Variants in RHOBTB1 observed in about 807,000 individuals in gnomAD.
RHOBTB1 encodes rho-related BTB domain-containing protein 1.
A neutral mutation model predicts 71.6 loss-of-function variants in RHOBTB1; 40 were observed. The ratio of observed to expected loss-of-function variants is 0.56; its 90% CI spans 0.43 to 0.73. The LOEUF is 0.73. Among genes scored for constraint, RHOBTB1 ranks in the 30% least tolerant of loss-of-function variants. RHOBTB1 has a pLI of 0.00. For synonymous variants in RHOBTB1, 319 were observed against 334.9 expected (o/e 0.95, Z 0.52); for missense variants, 797 against 894.0 (o/e 0.89, Z 1.38).
At chr10:60,895,627 C>T (rs1466059220) in intron 4 of RHOBTB1, among the ~76,000 whole-genome samples, 6 of 152,244 alleles carry the variant, frequency 3.9e-5, no homozygotes, top group African/African-American at 1.4e-4. Flanking sequence ...TGGTCTCAAA[C>T]TCCCCACCTC....
In RHOBTB1 at chr10:60,992,062, CAT is replaced by C. The variant is rs540664237; in HGVS notation, c.-162-6119_-162-6118del. ...AGTGTGTGAAATCAGTATGAAAAGA[CAT>C]AAATTCAGTGAGAAACATGTACCCC... On this transcript the variant is annotated intron_variant, in intron 1 of 11. Coordinates refer to the RHOBTB1 transcript ENST00000357917. Among the ~76,000 whole-genome samples the C allele has an allele frequency of 3.5e-3, 537 of 152,144 alleles. 2 individuals are homozygous for C. The highest frequency in any genetic ancestry group is 0.013 in the African/African-American group (519 of 41,490).
chr10:60,871,702 T>C (rs1206316395), intron 10 of RHOBTB1, 51 bp from the exon 11 acceptor site: 1 of 1,551,818 alleles, frequency 6.4e-7, no homozygotes, highest in Non-Finnish European at 8.8e-7. Flanking sequence ...TTGATGCCTT[T>C]TATGTGCTAG....
intron 2 of RHOBTB1, among the ~76,000 whole-genome samples, chr10:60,938,195 A>AC (rs2084700896): frequency 6.6e-6 from 1 of 152,204 alleles, no homozygotes; most frequent in South Asian, 2.1e-4. Context: ...CCTAGTACCC[A>AC]CCATATCTTT....
At chr10:60,895,320 C>A (rs1319345848) in intron 4 of RHOBTB1, among the ~76,000 whole-genome samples, 1 of 152,072 alleles carries the variant, frequency 6.6e-6, no homozygotes, top group Non-Finnish European at 1.5e-5. Context: ...AAAAGGTCTT[C>A]TTTTTTTTCA....
rs2082973022 is a variant in RHOBTB1 at position 60,911,558 on chromosome 10, A to G, written c.-10-6T>C. On this transcript the variant is annotated splice_polypyrimidine_tract_variant and splice_region_variant and intron_variant, in intron 2 of 10. Coordinates refer to ENST00000337910, the MANE Select transcript of RHOBTB1 (RefSeq NM_014836.5). ...CAGCGTCCATTTATGAAACTCTGTA[A>G]GAAGAGAGTGAACACCACAGTAAGG... is the stretch of plus-strand genomic sequence containing the variant. The G allele has an allele frequency of 6.2e-7, 1 of 1,609,612 alleles. No individual in the cohort carries two copies. The highest frequency in any genetic ancestry group is 1.1e-5 in the South Asian group (1 of 91,008).
chr10:60,988,116 A>G (rs559727352), intron 1 of RHOBTB1, among the ~76,000 whole-genome samples: 1 of 149,942 alleles, frequency 6.7e-6, no homozygotes, highest in Admixed American at 6.6e-5. Flanking sequence ...TTGTATTCTT[A>G]TTAGAGACGG....
intron 2 of RHOBTB1, chr10:60,912,992 T>C (rs1430719914): frequency 2.0e-5 from 3 of 152,190 alleles, no homozygotes; most frequent in African/African-American, 7.2e-5. Context: ...AGTAATGATT[T>C]TAATGGCTAT....
upstream of RHOBTB1, among the ~76,000 whole-genome samples, chr10:60,947,124 G>C (rs2085263631): frequency 6.6e-6 from 1 of 152,194 alleles, no homozygotes; most frequent in Non-Finnish European, 1.5e-5. Flanking sequence ...TAGGAAAAGA[G>C]AGAAAAGGAA....
upstream of RHOBTB1, among the ~76,000 whole-genome samples, chr10:61,001,767 T>C (rs1362757459): frequency 1.3e-5 from 2 of 152,158 alleles, no homozygotes; most frequent in Non-Finnish European, 2.9e-5. Context: ...GGGACCCCGG[T>C]CTTTGGACCT....
chr10:60,895,647 A>C (rs1002205318), intron 4 of RHOBTB1, among the ~76,000 whole-genome samples: 1 of 152,134 alleles, frequency 6.6e-6, no homozygotes, highest in Non-Finnish European at 1.5e-5. Flanking sequence ...CGGGTGATCC[A>C]CCCACCTTGG....
chr10:60,935,546 T>C (rs1487005214), intron 2 of RHOBTB1, among the ~76,000 whole-genome samples: 1 of 152,140 alleles, frequency 6.6e-6, no homozygotes, highest in African/African-American at 2.4e-5. Flanking sequence ...TCTAAGTTCT[T>C]TGAGGTATTT....
At chr10:60,932,497 C>T (rs1301947518) in intron 2 of RHOBTB1, among the ~76,000 whole-genome samples, 1 of 109,346 alleles carries the variant, frequency 9.1e-6, no homozygotes, top group Non-Finnish European at 1.7e-5. Flanking sequence ...TGTTATACTT[C>T]AATACTTTCT....
In RHOBTB1 at chr10:60,953,193, G is replaced by A. The variant is rs114533728; in HGVS notation, c.-61-11339C>T. On this transcript the variant is annotated intron_variant, in intron 2 of 11. Transcript: ENST00000357917. ...CAACATGGGTAAGGTTAGCCTCCTC[G>A]TGAGTGTATCGTTTGTTCTCAACTA... 5.9e-3 allele frequency among the ~76,000 whole-genome samples: 900 copies of A among 152,216 alleles called. 5 individuals carry two copies. The highest frequency in any genetic ancestry group is 0.021 in the African/African-American group (872 of 41,522).
At chr10:60,912,163 A>G (rs2083011476) in intron 2 of RHOBTB1, among the ~76,000 whole-genome samples, 2 of 152,126 alleles carry the variant, frequency 1.3e-5, no homozygotes, top group African/African-American at 4.8e-5. Context: ...ATTTATTTGT[A>G]TTAATCAAAT....
intron 2 of RHOBTB1, among the ~76,000 whole-genome samples, chr10:60,915,424 G>T (rs2083217790): frequency 6.6e-6 from 1 of 151,806 alleles, no homozygotes; most frequent in South Asian, 2.1e-4. Context: ...ACATACCTGA[G>T]GAGACAAGGA....
chr10:60,924,594 C>G (rs1424328454), intron 2 of RHOBTB1, among the ~76,000 whole-genome samples: 2 of 152,098 alleles, frequency 1.3e-5, no homozygotes, highest in African/African-American at 4.8e-5. Context: ...ATCATCTAGA[C>G]AGAAAACCAA....
chr10:60,937,132 G>T (rs1481897118), intron 2 of RHOBTB1, among the ~76,000 whole-genome samples: 1 of 152,186 alleles, frequency 6.6e-6, no homozygotes. Context: ...TGATGAATTG[G>T]ATGTGTTGGC....
intron 4 of RHOBTB1, among the ~76,000 whole-genome samples, chr10:60,902,704 C>T (rs2082468839): frequency 6.6e-6 from 1 of 152,156 alleles, no homozygotes; most frequent in Non-Finnish European, 1.5e-5. Context: ...AGGCTAAGCA[C>T]CAGTATTTTC....
At chr10:60,924,509 C>T (rs904521626) in intron 2 of RHOBTB1, among the ~76,000 whole-genome samples, 2 of 151,742 alleles carry the variant, frequency 1.3e-5, no homozygotes, top group Non-Finnish European at 2.9e-5. Flanking sequence ...ATTATTAGAG[C>T]TAAAGAGAGA....
Sources: allele counts gnomAD v4.1 joint callset (sites outside exome capture counted in the v4.1 genomes callset), GRCh38; gene constraint gnomAD v4.1.1; transcripts MANE v1.5; gene names NCBI Gene and HGNC (gene_info 2026-07-23, HGNC 2026-07-21).